EYS: variants seen among roughly 807,000 people sequenced by gnomAD.
The protein encoded by EYS is EGF-like photoreceptor maintenance factor, also known as protein eyes shut homolog.
Under a neutral mutation model 282.1 loss-of-function variants are expected in EYS, and 250 were observed. That is an observed-to-expected ratio of 0.89 (90% CI 0.80 to 0.98). The LOEUF (loss-of-function observed/expected upper bound fraction) is 0.98, where lower values mean the gene tolerates loss of function less well. Among genes scored for constraint, EYS ranks in the 50% least tolerant of loss-of-function variants. EYS has a pLI of 0.00. For synonymous variants in EYS, 1,355 were observed against 1,282.9 expected, an observed-to-expected ratio of 1.06 and a Z score of -1.20; for missense variants, 4,016 against 3,709.0, an observed-to-expected ratio of 1.08 and a Z score of -2.15.
intron 22 of EYS, among the ~76,000 whole-genome samples, chr6:64,654,733 C>T (rs1329229484): frequency 6.6e-6 from 1 of 152,152 alleles, no homozygotes; most frequent in African/African-American, 2.4e-5. Flanking sequence ...TTCAAATCTG[C>T]ATTTTCTGTC....
rs368852498 is a variant in EYS, at chr6:65,183,280, C to A, written c.2023+112583G>T. 2.6e-5 allele frequency among the ~76,000 whole-genome samples: 4 copies of A among 152,004 alleles called. No homozygotes were observed. The East Asian group carries it at 5.9e-4, about 22-fold the overall frequency. ...GTGTTTGTAATCTCTCAATTGGTTG[C>A]ATTTTCCATCTGTCAAAAGGTCTCA... is the stretch of plus-strand genomic sequence containing the variant. On this transcript the variant is annotated intron_variant, in intron 12 of 42. Transcript: ENST00000503581.
At chr6:64,055,357 T>A (rs992491384) in intron 33 of EYS, among the ~76,000 whole-genome samples, 7 of 152,132 alleles carry the variant, frequency 4.6e-5, no homozygotes, top group Non-Finnish European at 8.8e-5. Flanking sequence ...ATACTTGATG[T>A]TTTTTAAAGC....
intron 2 of EYS, among the ~76,000 whole-genome samples, chr6:65,518,317 T>C (rs1360030866): frequency 6.6e-6 from 1 of 152,126 alleles, no homozygotes; most frequent in Non-Finnish European, 1.5e-5. Flanking sequence ...ATTATGGTTT[T>C]CACCTCCAAC....
intron 12 of EYS, among the ~76,000 whole-genome samples, chr6:65,259,610 T>C (rs1402525271): frequency 6.6e-6 from 1 of 152,062 alleles, no homozygotes; most frequent in Non-Finnish European, 1.5e-5. Flanking sequence ...GTTTAGAAAA[T>C]TATACACAAA....
intron 12 of EYS, among the ~76,000 whole-genome samples, chr6:65,177,339 A>T (rs949781958): frequency 2.0e-5 from 3 of 151,862 alleles, no homozygotes; most frequent in Admixed American, 2.0e-4. Context: ...TTTGAGGAAT[A>T]GTTCATGGCA....
intron 22 of EYS, among the ~76,000 whole-genome samples, chr6:64,633,734 T>A (rs1246245160): frequency 6.6e-6 from 1 of 151,814 alleles, no homozygotes; most frequent in African/African-American, 2.4e-5. Context: ...AGCTAGACAG[T>A]CTATCATAAA....
intron 26 of EYS, among the ~76,000 whole-genome samples, chr6:64,496,740 T>C (rs1022106676): frequency 1.3e-5 from 2 of 152,066 alleles, no homozygotes; most frequent in Non-Finnish European, 2.9e-5. Flanking sequence ...TAAGCTTTCA[T>C]GTCAAACACA....
intron 26 of EYS, among the ~76,000 whole-genome samples, chr6:64,465,647 G>A (rs1423622962): frequency 2.0e-5 from 3 of 151,660 alleles, no homozygotes; most frequent in Non-Finnish European, 2.9e-5. Flanking sequence ...AAAATTAGTT[G>A]AAGAAAACAT....
chr6:64,599,416 G>A (rs530607616), intron 24 of EYS, among the ~76,000 whole-genome samples: 10 of 152,100 alleles, frequency 6.6e-5, no homozygotes, highest in African/African-American at 2.4e-4. Flanking sequence ...AGATGTATGG[G>A]GTGAGAATAA....
In EYS at chr6:64,279,952, G is replaced by A. The variant is rs1352027228; in HGVS notation, c.6191+27018C>T. On this transcript the variant is annotated intron_variant, in intron 30 of 42. Transcript: ENST00000503581. Reference sequence around the variant, plus strand: ...TGGATTTAATCCCTTCCTTGCTTTGGTTCTTTATTTCTTTGGTGCTCCAGA... The same window carrying A: ...TGGATTTAATCCCTTCCTTGCTTTGATTCTTTATTTCTTTGGTGCTCCAGA... Among the ~76,000 whole-genome samples, 5 of 152,026 alleles carry A rather than the reference G, an allele frequency of 3.3e-5. No individual in the cohort carries two copies. The East Asian group carries it at 9.6e-4, about 29-fold the overall frequency.
At chr6:65,181,542 A>C (rs1246570952) in intron 12 of EYS, among the ~76,000 whole-genome samples, 1 of 152,138 alleles carries the variant, frequency 6.6e-6, no homozygotes, top group African/African-American at 2.4e-5. Context: ...GGCAATCATT[A>C]AAAAGTCAGG....
chr6:65,637,001 T>C (rs1448609750), intron 2 of EYS, among the ~76,000 whole-genome samples: 2 of 152,224 alleles, frequency 1.3e-5, no homozygotes, highest in East Asian at 1.9e-4. Flanking sequence ...AAAAATTTTG[T>C]AGCGATGGCA....
At chr6:65,540,328 G>A (rs1446795479) in intron 2 of EYS, among the ~76,000 whole-genome samples, 3 of 152,088 alleles carry the variant, frequency 2.0e-5, no homozygotes, top group African/African-American at 4.8e-5. Flanking sequence ...AAGAGGGTGA[G>A]GAGAAAGGGG....
At chr6:65,446,535 T>G (rs1448907464) in intron 5 of EYS, among the ~76,000 whole-genome samples, 1 of 151,878 alleles carries the variant, frequency 6.6e-6, no homozygotes, top group African/African-American at 2.4e-5. Flanking sequence ...CTGAGAGTTG[T>G]GCTAGCTGTT....
intron 24 of EYS, among the ~76,000 whole-genome samples, chr6:64,602,823 G>C (rs191955440): frequency 1.7e-3 from 265 of 152,044 alleles, no homozygotes; most frequent in Non-Finnish European, 3.2e-3. Flanking sequence ...TAAATTATTT[G>C]AAAATTTAGC....
At chr6:63,788,980 AC>A (rs1328932469) in intron 38 of EYS, 77 bp downstream of exon 38, 11 of 1,420,518 alleles carry the variant, frequency 7.7e-6, no homozygotes, top group Non-Finnish European at 9.5e-6. Context: ...TGGGCTATTC[AC>A]CTCTGTATCT....
At chr6:64,329,363 C>A (rs996596779) in intron 29 of EYS, among the ~76,000 whole-genome samples, 6 of 152,146 alleles carry the variant, frequency 3.9e-5, no homozygotes, top group African/African-American at 7.2e-5. Context: ...AAGCACAAAT[C>A]TCCTTTACAC....
At chr6:65,693,392 CT>C (rs1769314952) in intron 1 of EYS, among the ~76,000 whole-genome samples, 1 of 125,066 alleles carries the variant, frequency 8.0e-6, no homozygotes, top group African/African-American at 2.9e-5. Flanking sequence ...AAACAATCTT[CT>C]TTTTTCCTTT....
chr6:64,380,503 T>C (rs554806143), intron 29 of EYS, among the ~76,000 whole-genome samples: 2 of 152,302 alleles, frequency 1.3e-5, no homozygotes, highest in African/African-American at 4.8e-5. Flanking sequence ...ATACACTTTA[T>C]GTGAAATATA....
Sources: gnomAD v4.1 joint callset for allele counts (sites outside exome capture counted in the v4.1 genomes callset) on GRCh38, gnomAD v4.1.1 for gene constraint, MANE v1.5 for transcripts, NCBI Gene and HGNC (gene_info 2026-07-23, HGNC 2026-07-21) for gene names.